The following ABAT variants were observed in gnomAD, a reference collection of about 807,000 sequenced individuals.
ABAT encodes the protein 4-aminobutyrate aminotransferase.
A neutral mutation model predicts 64.6 loss-of-function variants in ABAT; 45 were observed. The observed-to-expected ratio is 0.70, with a 90% CI of 0.55 to 0.89. ABAT has a LOEUF of 0.89. Ranked by LOEUF, ABAT falls within the 40% of genes least tolerant of loss-of-function variation. ABAT has a pLI of 0.00. For missense variants in ABAT, 633 were observed against 658.4 expected (o/e 0.96, Z 0.42); for synonymous variants, 297 against 250.5 (o/e 1.19, Z -1.75).
intron 3 of ABAT, 78 bp from the exon 4 acceptor site, chr16:8,748,030 G>A (rs753070): frequency 0.012 from 16,814 of 1,423,896 alleles, 234 homozygotes; most frequent in African/African-American, 0.068. Flanking sequence ...GCCAAGACTT[G>A]GGAAAACATG....
chr16:8,696,315 G>A (rs188307397), intron 1 of ABAT, among the ~76,000 whole-genome samples: 41 of 152,176 alleles, frequency 2.7e-4, no homozygotes, highest in Admixed American at 2.1e-3. Context: ...ACCTCTGGTC[G>A]GGAACTCTCA....
At chr16:8,724,213 T>C (rs1477359221) in intron 1 of ABAT, among the ~76,000 whole-genome samples, 1 of 152,046 alleles carries the variant, frequency 6.6e-6, no homozygotes, top group Non-Finnish European at 1.5e-5. Flanking sequence ...AATTATCTAT[T>C]ATGGTGCACA....
At position 8,681,942 on chromosome 16, in the gene ABAT, A is replaced by T. The variant is rs532276900; in HGVS notation, c.-42+7231A>T. Among the ~76,000 whole-genome samples, 6 of 152,054 alleles carry T rather than the reference A, an allele frequency of 3.9e-5. No homozygotes were observed. The East Asian group carries it at 1.2e-3, about 29-fold the overall frequency. ...CAGGCTGAGCCACCTCTCCTGGCCC[A>T]CCTCTATACTACTGACGTGGAAGCG... On this transcript the variant is annotated intron_variant, in intron 1 of 15. Transcript: ENST00000268251.
rs549069511 is a variant in ABAT, at chr16:8,762,928, G to A, written c.367-1141G>A. On this transcript the variant is annotated intron_variant, in intron 6 of 15. Transcript: ENST00000268251. ...TCAAGACCAGCCTGGGCAACATGGCGAAACCCTGTCTCTATAAAAAAATAC... is the reference window on the plus strand; with the variant it reads ...TCAAGACCAGCCTGGGCAACATGGCAAAACCCTGTCTCTATAAAAAAATAC... 3.2e-4 allele frequency among the ~76,000 whole-genome samples: 49 copies of A among 152,094 alleles called. No homozygotes were observed. The East Asian group carries it at 5.6e-3, about 17-fold the overall frequency.
At chr16:8,775,219 C>G (rs930582373) in intron 13 of ABAT, among the ~76,000 whole-genome samples, 162 bp downstream of exon 13, 1 of 152,102 alleles carries the variant, frequency 6.6e-6, no homozygotes, top group African/African-American at 2.4e-5. Flanking sequence ...GTGGTGTGCC[C>G]TCCCAGCTCT....
intron 1 of ABAT, among the ~76,000 whole-genome samples, chr16:8,730,160 T>C (rs143048553): frequency 6.6e-6 from 1 of 152,278 alleles, no homozygotes; most frequent in East Asian, 1.9e-4. Flanking sequence ...GCTGAGAGCC[T>C]GCACATAGCA....
At chr16:8,743,212 C>T (rs913957316) in intron 2 of ABAT, among the ~76,000 whole-genome samples, 2 of 150,956 alleles carry the variant, frequency 1.3e-5, no homozygotes, top group African/African-American at 2.4e-5. Context: ...AATTCAGAAA[C>T]CTTCTTTGAT....
At chr16:8,727,429 A>T (rs898911719) in intron 1 of ABAT, among the ~76,000 whole-genome samples, 1 of 152,064 alleles carries the variant, frequency 6.6e-6, no homozygotes, top group Non-Finnish European at 1.5e-5. Flanking sequence ...TGCTTTCTTC[A>T]TTGCCTTCTG....
intron 15 of ABAT, among the ~76,000 whole-genome samples, chr16:8,779,895 G>T (rs368125351): frequency 2.0e-3 from 307 of 152,286 alleles, no homozygotes; most frequent in Non-Finnish European, 3.5e-3. Context: ...TAGCAGGAAG[G>T]CATGGCTTTA....
rs1221012206 is a variant in ABAT, at chr16:8,784,315, T to C, written c.*2885T>C. On this transcript the variant is annotated 3_prime_UTR_variant, in exon 16 of 16. Transcript: ENST00000268251. Reference sequence around the variant, plus strand: ...CTGACGCTCAGTAACCATGCAAAATTGTGTATAGCATTAATGTATCTACAT... The same window carrying C: ...CTGACGCTCAGTAACCATGCAAAATCGTGTATAGCATTAATGTATCTACAT... 2.0e-5 allele frequency: 3 copies of C among 152,666 alleles called. No homozygotes were observed. The highest frequency in any genetic ancestry group is 1.5e-5 in the Non-Finnish European group (1 of 68,044). 9.5% of individuals were successfully genotyped at this position (152,666 alleles called of 1,614,324 possible). A position where few individuals can be genotyped will look rare whatever the true frequency, so the allele number is the denominator to read the frequency against.
intron 1 of ABAT, among the ~76,000 whole-genome samples, chr16:8,694,871 G>A (rs1231457453): frequency 1.3e-5 from 2 of 152,218 alleles, no homozygotes; most frequent in Non-Finnish European, 2.9e-5. Flanking sequence ...GAGAAGGAAG[G>A]CAGGCCGCCG....
intron 1 of ABAT, among the ~76,000 whole-genome samples, chr16:8,682,346 T>C (rs949464527): frequency 2.6e-5 from 4 of 152,160 alleles, no homozygotes; most frequent in African/African-American, 9.7e-5. Context: ...CATGTGTGAA[T>C]GAATGGATGA....
chr16:8,692,656 C>T (rs1182037288), intron 1 of ABAT, among the ~76,000 whole-genome samples: 1 of 152,220 alleles, frequency 6.6e-6, no homozygotes, highest in East Asian at 1.9e-4. Flanking sequence ...ACCTTTGCTG[C>T]TGAACATGGT....
intron 1 of ABAT, among the ~76,000 whole-genome samples, chr16:8,726,172 G>A (rs984822053): frequency 1.3e-5 from 2 of 151,576 alleles, no homozygotes; most frequent in East Asian, 1.9e-4. Flanking sequence ...AAATAAGTGA[G>A]AACACATGCC....
intron 4 of ABAT, 95 bp downstream of exon 4, chr16:8,748,232 A>C: frequency 8.2e-7 from 1 of 1,221,592 alleles, no homozygotes; most frequent in Non-Finnish European, 1.2e-6. Context: ...TTTTTTAAAA[A>C]AAATGTAGTT....
rs35745596 is a variant in ABAT, at chr16:8,764,843, GCACACA to G, written c.540+30_540+35del. 1.3e-4 allele frequency: 202 copies of G among 1,531,618 alleles called. 1 individual carries two copies. Among genetic ancestry groups the G allele is most frequent in the Non-Finnish European group, 1.5e-4 (164 of 1,113,064 alleles). 94.9% of individuals were successfully genotyped at this position (1,531,618 alleles called of 1,614,324 possible). A position where few individuals can be genotyped will look rare whatever the true frequency, so the allele number is the denominator to read the frequency against. ...CATGTGGTACCGGGTGAGGTTTGGGGCACACACACACACACACACACAGGCTCCCCA... is the reference window on the plus strand; with the variant it reads ...CATGTGGTACCGGGTGAGGTTTGGGGCACACACACACACACAGGCTCCCCA... On this transcript the variant is annotated intron_variant, in intron 8 of 15. Coordinates refer to ENST00000268251, the MANE Select transcript of ABAT (RefSeq NM_020686.6). This position sits in a 1 kb window ranked among gnomAD's most constrained non-coding sequence, Gnocchi z 4.2.
At position 8,783,105 on chromosome 16, in the gene ABAT, T is replaced by G. The variant is rs1198478845; in HGVS notation, c.*1675T>G. 1 of 152,158 alleles carries G rather than the reference T, an allele frequency of 6.6e-6. No homozygotes were observed. Among genetic ancestry groups the G allele is most frequent in the East Asian group, 1.9e-4 (1 of 5,186 alleles). The allele number at this position is 152,158 out of a possible 1,614,324, so 9.4% of individuals were successfully genotyped here. A position where few individuals can be genotyped will look rare whatever the true frequency, so the allele number is the denominator to read the frequency against. On this transcript the variant is annotated 3_prime_UTR_variant, in exon 16 of 16. Coordinates refer to ENST00000268251, the MANE Select transcript of ABAT (RefSeq NM_020686.6). ...TTCTTAATCAGGAGTTCTGCCAGGT[T>G]TAAGGTCACCTGCACTCCCAGCCAA...
intron 5 of ABAT, chr16:8,757,254 G>A (rs575440778): frequency 3.9e-5 from 17 of 436,330 alleles, no homozygotes; most frequent in East Asian, 2.9e-4. Flanking sequence ...TGCAACCTCC[G>A]CCTCTTGTGT....
intron 1 of ABAT, among the ~76,000 whole-genome samples, chr16:8,727,158 T>G (rs2058582186): frequency 1.3e-5 from 2 of 152,166 alleles, no homozygotes; most frequent in South Asian, 4.1e-4. Flanking sequence ...TTCGCTTTGT[T>G]GGTTGTATCC....
Sources: gnomAD v4.1 joint callset for allele counts (sites outside exome capture counted in the v4.1 genomes callset) on GRCh38, gnomAD v4.1.1 for gene constraint, Gnocchi (gnomAD v3.1) non-coding constraint, MANE v1.5 for transcripts, NCBI Gene and HGNC (gene_info 2026-07-23, HGNC 2026-07-21) for gene names.